Variants in BIRC6 observed in about 807,000 individuals in gnomAD.
The protein encoded by BIRC6 is baculoviral IAP repeat containing 6.
Under a neutral mutation model 503.3 loss-of-function variants are expected in BIRC6, and 98 were observed. That is an observed-to-expected ratio of 0.19 (90% CI 0.17 to 0.23). The LOEUF (loss-of-function observed/expected upper bound fraction) is 0.23. Among genes scored for constraint, BIRC6 ranks in the 10% least tolerant of loss-of-function variants. BIRC6 has a pLI of 1.00. For missense variants in BIRC6, 5,360 were observed against 5,806.0 expected (o/e 0.92, Z 2.50); for synonymous variants, 2,240 against 2,078.7 (o/e 1.08, Z -2.11).
At chr2:32,579,929 A>C (rs2060551029) in intron 66 of BIRC6, among the ~76,000 whole-genome samples, 1 of 151,492 alleles carries the variant, frequency 6.6e-6, no homozygotes. Context: ...GCTGACATAT[A>C]AATGGGGGAA....
chr2:32,406,583 A>G (rs936918536), intron 9 of BIRC6, 26 bp downstream of exon 9: 4 of 1,535,800 alleles, frequency 2.6e-6, no homozygotes, highest in Non-Finnish European at 3.6e-6. Context: ...TAGATAATGT[A>G]TTTAAAAAAT....
At chr2:32,392,729 TC>T (rs2039395046) in intron 5 of BIRC6, among the ~76,000 whole-genome samples, 1 of 152,016 alleles carries the variant, frequency 6.6e-6, no homozygotes, top group African/African-American at 2.4e-5. Flanking sequence ...GCACAGGTGA[TC>T]CGCCCACCTC....
chr2:32,370,038 A>ATGTATATATATGTG (rs1489774551), intron 1 of BIRC6, among the ~76,000 whole-genome samples: 3 of 140,086 alleles, frequency 2.1e-5, no homozygotes, highest in African/African-American at 8.1e-5. Flanking sequence ...ATATATATGT[A>ATGTATATATATGTG]TGTATATATA....
At chr2:32,412,796 C>A (rs176403) in intron 9 of BIRC6, among the ~76,000 whole-genome samples, 52,402 of 151,866 alleles carry the variant, frequency 0.35, 9,522 homozygotes, top group East Asian at 0.67. Flanking sequence ...AGATTACAAT[C>A]TTTTTTAATG....
At chr2:32,563,675 C>T (rs1288405259) in intron 65 of BIRC6, 1 of 152,172 alleles carries the variant, frequency 6.6e-6, no homozygotes, top group East Asian at 1.9e-4. Context: ...CGGTACCCTT[C>T]AGTTCACCCA....
At chr2:32,374,621 C>T (rs1431318912) in intron 1 of BIRC6, among the ~76,000 whole-genome samples, 5 of 151,814 alleles carry the variant, frequency 3.3e-5, no homozygotes, top group East Asian at 1.9e-4. Flanking sequence ...TACAGGCGCC[C>T]GCCACCACGC....
At chr2:32,585,540 C>T (rs1248559770) in intron 66 of BIRC6, among the ~76,000 whole-genome samples, 1 of 152,012 alleles carries the variant, frequency 6.6e-6, no homozygotes, top group Non-Finnish European at 1.5e-5. Flanking sequence ...CCACCACACC[C>T]GGCTAATTTT....
intron 66 of BIRC6, among the ~76,000 whole-genome samples, chr2:32,583,330 C>A (rs926703106): frequency 6.6e-6 from 1 of 152,136 alleles, no homozygotes; most frequent in African/African-American, 2.4e-5. Context: ...GTTCAGGGCT[C>A]TGTGTTTCTG....
intron 62 of BIRC6, among the ~76,000 whole-genome samples, chr2:32,545,168 A>G (rs1181735324): frequency 6.6e-6 from 1 of 152,170 alleles, no homozygotes; most frequent in African/African-American, 2.4e-5. Flanking sequence ...TGTACCATCC[A>G]TGTAGCATTG....
chr2:32,542,191 C>G (rs1037885028), intron 61 of BIRC6, among the ~76,000 whole-genome samples: 12 of 151,968 alleles, frequency 7.9e-5, no homozygotes, highest in African/African-American at 2.9e-4. Flanking sequence ...GACCCAGAAG[C>G]AGACTCCCCC....
intron 40 of BIRC6, among the ~76,000 whole-genome samples, chr2:32,487,406 C>A (rs529327563): frequency 6.6e-6 from 1 of 152,154 alleles, no homozygotes; most frequent in African/African-American, 2.4e-5. Context: ...AAGTTCTTTG[C>A]CTTTTTTTGT....
chr2:32,377,211 A>ATATG (rs1553379461), intron 1 of BIRC6, among the ~76,000 whole-genome samples: 1 of 138,218 alleles, frequency 7.2e-6, no homozygotes, highest in Non-Finnish European at 1.6e-5. Context: ...CCCTTAATAT[A>ATATG]TATGTGTGTG....
At chr2:32,466,525 G>T (rs532402360) in intron 26 of BIRC6, among the ~76,000 whole-genome samples, 1 of 152,150 alleles carries the variant, frequency 6.6e-6, no homozygotes, top group Non-Finnish European at 1.5e-5. Flanking sequence ...AAACCCCAAT[G>T]AATGCAATAT....
At chr2:32,398,180 A>G (rs1408359372) in intron 6 of BIRC6, among the ~76,000 whole-genome samples, 2 of 152,208 alleles carry the variant, frequency 1.3e-5, no homozygotes, top group Admixed American at 6.5e-5. Context: ...ACCATACCCT[A>G]GTAACTAGCA....
At chr2:32,580,357 A>C (rs1376509540) in intron 66 of BIRC6, among the ~76,000 whole-genome samples, 3 of 152,166 alleles carry the variant, frequency 2.0e-5, no homozygotes, top group African/African-American at 7.2e-5. Context: ...GATACATAGG[A>C]ATTAACCAAG....
In BIRC6 at chr2:32,465,184, A is replaced by G; in HGVS notation, c.5356+20A>G. On this transcript the variant is annotated intron_variant, in intron 26 of 73. Transcript: ENST00000421745. ...ATTCAGGTAATCTTTTACTTTCTTA[A>G]ATTTTTTTTTTTTTTTTTTTGCTTA... The G allele has an allele frequency of 7.8e-7, 1 of 1,289,636 alleles. No homozygotes were observed. The highest frequency in any genetic ancestry group is 1.7e-5 in the African/African-American group (1 of 57,756). The allele number at this position is 1,289,636 out of a possible 1,614,324, so 79.9% of individuals were successfully genotyped here.
At chr2:32,615,470 C>T (rs2063170099) in intron 73 of BIRC6, among the ~76,000 whole-genome samples, 1 of 152,102 alleles carries the variant, frequency 6.6e-6, no homozygotes, top group Admixed American at 6.5e-5. Context: ...TAATTTCAGC[C>T]AGAATTTTAG....
intron 10 of BIRC6, among the ~76,000 whole-genome samples, chr2:32,427,295 T>A (rs549464487): frequency 0.06 from 9,056 of 151,990 alleles, 432 homozygotes; most frequent in Admixed American, 0.14. Flanking sequence ...TTTTATTTTT[T>A]TTTTGAGACA....
At chr2:32,550,613 C>G (rs2150406217) in intron 65 of BIRC6, among the ~76,000 whole-genome samples, 1 of 152,058 alleles carries the variant, frequency 6.6e-6, no homozygotes, top group East Asian at 1.9e-4. Context: ...TTTTATCTCA[C>G]TTCTCTATTA....
Sources: gnomAD v4.1 joint callset for allele counts (sites outside exome capture counted in the v4.1 genomes callset) on GRCh38, gnomAD v4.1.1 for gene constraint, MANE v1.5 for transcripts, NCBI Gene and HGNC (gene_info 2026-07-23, HGNC 2026-07-21) for gene names.